AMOTL1: variants seen among roughly 807,000 people sequenced by gnomAD.
AMOTL1 encodes angiomotin-like protein 1.
A neutral mutation model predicts 102.9 loss-of-function variants in AMOTL1; 45 were observed. The ratio of observed to expected loss-of-function variants is 0.44; its 90% CI spans 0.34 to 0.56. The LOEUF (loss-of-function observed/expected upper bound fraction) is 0.56. Ranked by LOEUF, AMOTL1 falls within the 20% of genes least tolerant of loss-of-function variation. AMOTL1 has a pLI of 0.01. For missense variants in AMOTL1, 1,114 were observed against 1,225.6 expected, an observed-to-expected ratio of 0.91 and a Z score of 1.36; for synonymous variants, 481 against 484.7, an observed-to-expected ratio of 0.99 and a Z score of 0.10.
intron 1 of AMOTL1, among the ~76,000 whole-genome samples, chr11:94,793,935 C>A (rs951806185): frequency 1.3e-5 from 2 of 152,210 alleles, no homozygotes; most frequent in South Asian, 2.1e-4. Context: ...CACGCAAATA[C>A]TGTTTCATAT....
intron 9 of AMOTL1, among the ~76,000 whole-genome samples, chr11:94,863,298 T>C (rs1592047151): frequency 6.7e-6 from 1 of 149,816 alleles, no homozygotes; most frequent in African/African-American, 2.5e-5. Flanking sequence ...AAAAAAAAGC[T>C]TTAAAGTTTT....
intron 1 of AMOTL1, among the ~76,000 whole-genome samples, chr11:94,728,429 C>T (rs181865209): frequency 2.7e-4 from 41 of 152,172 alleles, no homozygotes; most frequent in African/African-American, 9.4e-4. Context: ...TATTGCATAC[C>T]TTTTTGAGAT....
intron 3 of AMOTL1, among the ~76,000 whole-genome samples, chr11:94,801,239 G>A (rs139871380): frequency 2.1e-3 from 313 of 152,326 alleles, no homozygotes; most frequent in African/African-American, 7.2e-3. Flanking sequence ...TATGTGCTGT[G>A]TGAGGGAGTG....
intron 8 of AMOTL1, among the ~76,000 whole-genome samples, chr11:94,856,592 G>A (rs968306188): frequency 8.5e-5 from 13 of 152,190 alleles, no homozygotes; most frequent in South Asian, 4.1e-4. Context: ...TCACCCTCAC[G>A]CAACTCATGA....
At chr11:94,847,370 C>CTA (rs1287428276) in intron 6 of AMOTL1, among the ~76,000 whole-genome samples, 1 of 152,112 alleles carries the variant, frequency 6.6e-6, no homozygotes, top group Admixed American at 6.5e-5. Flanking sequence ...CTAACAGGAG[C>CTA]TATAATTTCT....
chr11:94,795,928 G>A (rs879352725), intron 2 of AMOTL1, among the ~76,000 whole-genome samples: 3 of 152,050 alleles, frequency 2.0e-5, no homozygotes, highest in Admixed American at 6.6e-5. Context: ...CTTTACTTTC[G>A]TAACCCCAGC....
At chr11:94,769,022 G>A (rs1950902747) in intron 1 of AMOTL1, among the ~76,000 whole-genome samples, 1 of 152,088 alleles carries the variant, frequency 6.6e-6, no homozygotes, top group Admixed American at 6.5e-5. Context: ...GCTGTGGACT[G>A]GACCCTTTCT....
chr11:94,721,603 A>G (rs929029705), intron 1 of AMOTL1, among the ~76,000 whole-genome samples: 10 of 152,152 alleles, frequency 6.6e-5, no homozygotes, highest in African/African-American at 2.2e-4. Flanking sequence ...ATGAGGACAC[A>G]GGGAGAAGGT....
At chr11:94,808,321 T>C (rs796990531) in intron 3 of AMOTL1, among the ~76,000 whole-genome samples, 20 of 152,356 alleles carry the variant, frequency 1.3e-4, no homozygotes, top group African/African-American at 4.6e-4. Flanking sequence ...GTTGAATACT[T>C]GAGAAATGTT....
intron 3 of AMOTL1, among the ~76,000 whole-genome samples, chr11:94,805,154 GGGGTCACTAAATCT>G (rs1277641678): frequency 6.6e-6 from 1 of 152,176 alleles, no homozygotes; most frequent in Non-Finnish European, 1.5e-5. Flanking sequence ...GCTTTCACTT[GGGGTCACTAAATCT>G]GGTGAATTTC....
At chr11:94,734,144 C>T (rs558326799) in intron 2 of AMOTL1, among the ~76,000 whole-genome samples, 1 of 152,308 alleles carries the variant, frequency 6.6e-6, no homozygotes, top group African/African-American at 2.4e-5. Flanking sequence ...CCATTGGCTT[C>T]CTGTCAGAGT....
At position 94,874,954 on chromosome 11, in the gene AMOTL1, C is replaced by T. The variant is rs536284587; in HGVS notation, c.*4159C>T. On this transcript the variant is annotated 3_prime_UTR_variant, in exon 13 of 13. Coordinates refer to ENST00000433060, the MANE Select transcript of AMOTL1 (RefSeq NM_130847.3). The stretch of plus-strand genomic sequence containing the variant: ...TCTCTGTGTTCTCTGAATGATCTTG[C>T]ACTCCTCTTAAGCAAAGGAGTACCA... 1.2e-4 allele frequency: 19 copies of T among 152,304 alleles called. No individual in the cohort carries two copies. The highest frequency in any genetic ancestry group is 4.6e-4 in the African/African-American group (19 of 41,556). 9.4% of individuals were successfully genotyped at this position (152,304 alleles called of 1,614,324 possible). A position where few individuals can be genotyped will look rare whatever the true frequency, so the allele number is the denominator to read the frequency against.
In AMOTL1 at chr11:94,803,030, A is replaced by G. The variant is rs374546460; in HGVS notation, c.1121+2719A>G. Among the ~76,000 whole-genome samples the G allele has an allele frequency of 1.4e-3, 212 of 152,338 alleles. 5 individuals carry two copies. In the South Asian group the frequency reaches 0.034, roughly 24 times the overall value. ...AACCACATAGACTCTTGGACTAGAA[A>G]GAGACGCCTCTGATGGAGATCATGG... On this transcript the variant is annotated intron_variant, in intron 3 of 12. Transcript: ENST00000433060.
chr11:94,822,632 G>A (rs1053849995), intron 4 of AMOTL1, among the ~76,000 whole-genome samples: 9 of 152,160 alleles, frequency 5.9e-5, no homozygotes, highest in Non-Finnish European at 1.2e-4. Flanking sequence ...TTATCAGGTG[G>A]GGAGATGCTG....
chr11:94,746,251 C>T (rs924024417), intron 3 of AMOTL1, among the ~76,000 whole-genome samples: 9 of 152,054 alleles, frequency 5.9e-5, no homozygotes, highest in Non-Finnish European at 1.5e-5. Context: ...ATGGTGGTAC[C>T]ATTTTCTGAG....
intron 2 of AMOTL1, among the ~76,000 whole-genome samples, chr11:94,738,743 G>C (rs945303229): frequency 6.6e-6 from 1 of 152,216 alleles, no homozygotes; most frequent in African/African-American, 2.4e-5. Context: ...AGGAAGGAAG[G>C]AGGGTCATGA....
intron 3 of AMOTL1, among the ~76,000 whole-genome samples, chr11:94,755,873 C>T (rs797005983): frequency 6.6e-6 from 1 of 152,204 alleles, no homozygotes; most frequent in South Asian, 2.1e-4. Context: ...CAGTTAGACC[C>T]TCTGCCTTAT....
At chr11:94,849,677 A>C (rs1952490042) in intron 6 of AMOTL1, among the ~76,000 whole-genome samples, 2 of 152,070 alleles carry the variant, frequency 1.3e-5, no homozygotes, top group South Asian at 4.2e-4. Context: ...CAAAGAGCTT[A>C]CCTCTCTGGA....
intron 1 of AMOTL1, among the ~76,000 whole-genome samples, chr11:94,715,347 C>T (rs551571414): frequency 6.6e-6 from 1 of 152,084 alleles, no homozygotes; most frequent in Non-Finnish European, 1.5e-5. Flanking sequence ...TATTATTTTT[C>T]TTTTGTAGAA....
Sources: gnomAD v4.1 joint callset for allele counts (sites outside exome capture counted in the v4.1 genomes callset) on GRCh38, gnomAD v4.1.1 for gene constraint, MANE v1.5 for transcripts, NCBI Gene and HGNC (gene_info 2026-07-23, HGNC 2026-07-21) for gene names.